The following PLCH1 variants were observed in gnomAD, a reference collection of about 807,000 sequenced individuals.
The protein encoded by PLCH1 is 1-phosphatidylinositol 4,5-bisphosphate phosphodiesterase eta-1.
PLCH1 carries 60 observed loss-of-function variants against 126.7 expected under a neutral mutation model. The observed-to-expected ratio is 0.47, with a 90% CI of 0.38 to 0.59. The LOEUF (loss-of-function observed/expected upper bound fraction) is 0.59. Ranked by LOEUF, PLCH1 falls within the 20% of genes least tolerant of loss-of-function variation. PLCH1 has a pLI of 0.00. For synonymous variants in PLCH1, 719 were observed against 734.9 expected (o/e 0.98, Z 0.35); for missense variants, 1,723 against 2,040.0 (o/e 0.84, Z 2.99).
At chr3:155,595,960 A>G (rs1168819802) in intron 3 of PLCH1, among the ~76,000 whole-genome samples, 1 of 142,006 alleles carries the variant, frequency 7.0e-6, no homozygotes, top group African/African-American at 2.6e-5. Context: ...AGGCTGTAAA[A>G]CCATATATTC....
chr3:155,616,845 T>C (rs1300123577), intron 2 of PLCH1, among the ~76,000 whole-genome samples: 4 of 152,176 alleles, frequency 2.6e-5, no homozygotes, highest in African/African-American at 9.6e-5. Context: ...AATTTTGTGA[T>C]ATCAAGTGTT....
intron 2 of PLCH1, chr3:155,658,522 G>A (rs1741708200): frequency 6.6e-6 from 1 of 152,222 alleles, no homozygotes; most frequent in African/African-American, 2.4e-5. Context: ...TGATTAGAAA[G>A]ATGTGGACTT....
At chr3:155,586,228 C>G (rs1488276248) in intron 4 of PLCH1, 34 bp from the exon 5 acceptor site, 1 of 1,604,858 alleles carries the variant, frequency 6.2e-7, no homozygotes. Context: ...CCTGTGCTCT[C>G]ATCAAAATTA....
chr3:155,600,589 C>A lies in PLCH1; in HGVS notation c.80-4211G>T, dbSNP rs151208514. 4.3e-3 allele frequency among the ~76,000 whole-genome samples: 618 copies of A among 142,354 alleles called. 2 individuals are homozygous for A. The highest frequency in any genetic ancestry group is 0.01 in the Middle Eastern group (3 of 292). 93.4% of individuals were successfully genotyped at this position (142,354 alleles called of 152,430 possible). Reference sequence around the variant, plus strand: ...TAATTCTACATTCTCCTTTATGGTACGCTTAAGATAGCTAAAAAAAAAAAA... The same window carrying A: ...TAATTCTACATTCTCCTTTATGGTAAGCTTAAGATAGCTAAAAAAAAAAAA... On this transcript the variant is annotated intron_variant, in intron 2 of 22. Coordinates refer to ENST00000460012, the MANE Select transcript of PLCH1 (RefSeq NM_014996.4).
At chr3:155,595,112 G>A (rs762419740) in intron 3 of PLCH1, among the ~76,000 whole-genome samples, 3 of 152,152 alleles carry the variant, frequency 2.0e-5, no homozygotes, top group East Asian at 1.9e-4. Context: ...TGAGCAGGCC[G>A]CTTATGGTGG....
At chr3:155,650,882 A>G (rs2108894110) in intron 2 of PLCH1, among the ~76,000 whole-genome samples, 1 of 152,318 alleles carries the variant, frequency 6.6e-6, no homozygotes, top group East Asian at 1.9e-4. Flanking sequence ...TACTAAAAAT[A>G]TAAAAATTAG....
intron 1 of PLCH1, among the ~76,000 whole-genome samples, chr3:155,710,371 A>G (rs1215211870): frequency 6.6e-6 from 1 of 152,198 alleles, no homozygotes; most frequent in African/African-American, 2.4e-5. Context: ...CTTCTCCCAG[A>G]CTGTGACTTG....
At chr3:155,657,527 C>A (rs1577257634) in intron 2 of PLCH1, among the ~76,000 whole-genome samples, 1 of 152,056 alleles carries the variant, frequency 6.6e-6, no homozygotes, top group East Asian at 1.9e-4. Context: ...CCACCCACAG[C>A]GAGATTGGGA....
chr3:155,463,443 A>G (rs541645174), intron 21 of PLCH1, among the ~76,000 whole-genome samples: 3 of 152,334 alleles, frequency 2.0e-5, no homozygotes, highest in African/African-American at 4.8e-5. Flanking sequence ...GATGTTAACT[A>G]TATGTTTATT....
At chr3:155,610,094 T>A (rs59529957) in intron 2 of PLCH1, among the ~76,000 whole-genome samples, 8,003 of 152,060 alleles carry the variant, frequency 0.053, 438 homozygotes, top group African/African-American at 0.13. Context: ...GTGCGGTGGA[T>A]CACAGCTATA....
intron 2 of PLCH1, among the ~76,000 whole-genome samples, chr3:155,696,716 T>C (rs886177345): frequency 6.6e-6 from 1 of 152,238 alleles, no homozygotes; most frequent in Non-Finnish European, 1.5e-5. Flanking sequence ...CATTATTTCT[T>C]CTTTCTAATT....
intron 2 of PLCH1, chr3:155,657,681 T>A (rs1741574925): frequency 6.6e-6 from 1 of 152,208 alleles, no homozygotes; most frequent in Non-Finnish European, 1.5e-5. Context: ...CATTCCGCAT[T>A]ATTTACGCTT....
intron 11 of PLCH1, among the ~76,000 whole-genome samples, chr3:155,517,979 T>C (rs1351461169): frequency 6.6e-6 from 1 of 152,176 alleles, no homozygotes; most frequent in Non-Finnish European, 1.5e-5. Context: ...GGGAGATACA[T>C]CAAAAAATCC....
rs1252713325 is a variant in PLCH1 at position 155,473,043 on chromosome 3, A to G, written c.2938+12313T>C. 4.9e-3 allele frequency among the ~76,000 whole-genome samples: 684 copies of G among 139,200 alleles called. 1 individual carries two copies. The highest frequency in any genetic ancestry group is 0.017 in the African/African-American group (651 of 37,644). The allele number at this position is 139,200 out of a possible 152,430, so 91.3% of individuals were successfully genotyped here. On this transcript the variant is annotated intron_variant, in intron 21 of 21. Transcript: ENST00000494598. ...CAAGACAGGGATGCCCTCTCTCACC[A>G]CTCCTATTCAACATAGTGTTGGAAG...
intron 21 of PLCH1, among the ~76,000 whole-genome samples, chr3:155,453,059 A>T (rs1712348470): frequency 6.6e-6 from 1 of 152,134 alleles, no homozygotes; most frequent in African/African-American, 2.4e-5. Flanking sequence ...CTAAATTCTG[A>T]TGAAGCTTAT....
chr3:155,676,746 C>A (rs556950257), intron 2 of PLCH1, among the ~76,000 whole-genome samples: 1 of 152,078 alleles, frequency 6.6e-6, no homozygotes, highest in Admixed American at 6.6e-5. Context: ...ACAAACATAG[C>A]AATGATCACA....
intron 1 of PLCH1, chr3:155,743,295 G>T: frequency 2.2e-6 from 1 of 446,872 alleles, no homozygotes; most frequent in Non-Finnish European, 4.5e-6. Flanking sequence ...ACTTTGGGAG[G>T]CAGAGGTGGG....
rs143025529 is a variant in PLCH1, at chr3:155,554,131, T to A, written c.1135A>T (p.Ile379Phe). 6.2e-7 allele frequency: 1 copy of A among 1,613,730 alleles called. No homozygotes were observed. The highest frequency in any genetic ancestry group is 8.5e-7 in the Non-Finnish European group (1 of 1,179,796). ...VHHGYTLTSK[I>F]LFRDVVETIN... is the part of the protein sequence containing the mutation. ...GTCTCCACAACATCTCTGAAGAGAA[T>A]TTTTGAAGTGAGAGTGTAACCATGA... Residue 379 changes from isoleucine (I) to phenylalanine (F), a missense_variant, in exon 9 of 23, where the codon ATT becomes TTT. Physicochemically the swap from Ile to Phe is conservative, Grantham distance 21 (BLOSUM62 0). This residue lies in a region of PLCH1 where 776 missense variants were observed against 1,062.9 expected (regional missense o/e 0.73). Transcript: ENST00000460012.
At chr3:155,521,154 C>T (rs1011324979) in intron 11 of PLCH1, among the ~76,000 whole-genome samples, 1 of 152,194 alleles carries the variant, frequency 6.6e-6, no homozygotes, top group African/African-American at 2.4e-5. Context: ...AGATCCCTTA[C>T]ATATACACAT....
Sources: gnomAD v4.1 joint callset for allele counts (sites outside exome capture counted in the v4.1 genomes callset) on GRCh38, gnomAD v4.1.1 for gene constraint, gnomAD v4.1.1 regional missense constraint, MANE v1.5 for transcripts, NCBI Gene and HGNC (gene_info 2026-07-23, HGNC 2026-07-21) for gene names.